Variants in MACROD2 observed in about 807,000 individuals in gnomAD.
MACROD2 encodes mono-ADP ribosylhydrolase 2, also known as ADP-ribose glycohydrolase MACROD2.
A neutral mutation model predicts 70.4 loss-of-function variants in MACROD2; 36 were observed. That is an observed-to-expected ratio of 0.51 (90% CI 0.39 to 0.68). MACROD2 has a LOEUF of 0.68. Ranked by LOEUF, MACROD2 falls within the 30% of genes least tolerant of loss-of-function variation. MACROD2 has a pLI of 0.00. For missense variants in MACROD2, 496 were observed against 538.4 expected, an observed-to-expected ratio of 0.92 and a Z score of 0.78; for synonymous variants, 172 against 178.8, an observed-to-expected ratio of 0.96 and a Z score of 0.30.
chr20:15,274,043 G>C (rs367421), intron 6 of MACROD2, among the ~76,000 whole-genome samples: 57,216 of 152,118 alleles, frequency 0.38, 11,456 homozygotes, highest in Non-Finnish European at 0.44. Context: ...AGGGTGAGGT[G>C]AGCTAAGATA....
chr20:14,141,593 A>G (rs1017922993), intron 3 of MACROD2, among the ~76,000 whole-genome samples: 4 of 152,078 alleles, frequency 2.6e-5, no homozygotes, highest in African/African-American at 9.6e-5. Flanking sequence ...AAAAAATACA[A>G]AATTAGCTGG....
At chr20:15,248,099 T>C (rs1336293657) in intron 6 of MACROD2, among the ~76,000 whole-genome samples, 1 of 152,188 alleles carries the variant, frequency 6.6e-6, no homozygotes, top group Non-Finnish European at 1.5e-5. Flanking sequence ...CACAGGCTGC[T>C]CCTCTCTTGT....
At chr20:15,621,812 G>A (rs935163438) in intron 8 of MACROD2, among the ~76,000 whole-genome samples, 10 of 152,140 alleles carry the variant, frequency 6.6e-5, no homozygotes, top group Admixed American at 2.0e-4. Flanking sequence ...ACCAAGCCAC[G>A]CAGAATGTAC....
At chr20:15,937,393 G>A in intron 11 of MACROD2, 83 bp from the exon 12 acceptor site, 4 of 1,193,258 alleles carry the variant, frequency 3.4e-6, no homozygotes, top group South Asian at 1.2e-5. Flanking sequence ...GGTGGAGAGT[G>A]GAGGGAGGTG....
At chr20:16,040,679 C>T (rs1194043721) in intron 15 of MACROD2, among the ~76,000 whole-genome samples, 2 of 151,984 alleles carry the variant, frequency 1.3e-5, no homozygotes, top group African/African-American at 2.4e-5. Flanking sequence ...TCCGAAATGG[C>T]AGCATCAGAG....
At chr20:14,180,085 C>G (rs1252779639) in intron 3 of MACROD2, among the ~76,000 whole-genome samples, 1 of 152,112 alleles carries the variant, frequency 6.6e-6, no homozygotes, top group African/African-American at 2.4e-5. Context: ...TCTATTACCC[C>G]TTCCTCAACC....
chr20:14,343,772 C>G (rs1163105802), intron 3 of MACROD2, among the ~76,000 whole-genome samples: 1 of 152,154 alleles, frequency 6.6e-6, no homozygotes, highest in Non-Finnish European at 1.5e-5. Flanking sequence ...GAATGACTAA[C>G]AGTTAATAGG....
chr20:15,641,498 A>G (rs1295093645), intron 8 of MACROD2, among the ~76,000 whole-genome samples: 1 of 152,222 alleles, frequency 6.6e-6, no homozygotes, highest in East Asian at 1.9e-4. Context: ...TGTGTCTTTC[A>G]TCATCACCCA....
chr20:15,384,101 CCTT>C (rs1268184519), intron 6 of MACROD2, among the ~76,000 whole-genome samples: 8 of 152,094 alleles, frequency 5.3e-5, no homozygotes, highest in Admixed American at 5.2e-4. Context: ...AACTCTATAA[CCTT>C]CTTAATGACA....
intron 3 of MACROD2, among the ~76,000 whole-genome samples, chr20:14,184,265 A>G (rs1179570671): frequency 6.6e-6 from 1 of 152,158 alleles, no homozygotes; most frequent in Non-Finnish European, 1.5e-5. Flanking sequence ...CAGTTATCCC[A>G]GCACCATTTA....
At chr20:14,327,688 G>T (rs1381592652) in intron 3 of MACROD2, 1 of 635,200 alleles carries the variant, frequency 1.6e-6, no homozygotes. Context: ...TTGGGAGGGG[G>T]CATAATAGGG....
chr20:15,519,070 CCT>C lies in MACROD2; in HGVS notation c.645+19224_645+19225del, dbSNP rs2047610169. 2.4e-5 allele frequency among the ~76,000 whole-genome samples: 3 copies of C among 125,938 alleles called. No individual in the cohort carries two copies. In the South Asian group the frequency reaches 8.3e-4, roughly 35 times the overall value. The allele number at this position is 125,938 out of a possible 152,430, so 82.6% of individuals were successfully genotyped here. On this transcript the variant is annotated intron_variant, in intron 8 of 17. Coordinates refer to ENST00000684519, the MANE Select transcript of MACROD2 (RefSeq NM_001351661.2). ...TAACTCGCTCTTTCCTTCCTTCCTT[CCT>C]TCCTTCCTTCCTTCCTTCCTTCCTT...
chr20:15,446,004 C>T (rs532289798), intron 7 of MACROD2, among the ~76,000 whole-genome samples: 1 of 152,268 alleles, frequency 6.6e-6, no homozygotes, highest in South Asian at 2.1e-4. Context: ...CATTAATATA[C>T]ACCTTCTGCT....
Position 15,461,006 on chromosome 20 carries a change from A to ATATATATATATATATATT in MACROD2, c.571+29572_571+29573insATATATATATATATATTT. ...TATATATATATATATATATATATAT[A>ATATATATATATATATATT]TTTTTTTTTAATAGATGGGGTCTTG... is the stretch of plus-strand genomic sequence containing the variant. On this transcript the variant is annotated intron_variant, in intron 7 of 17. Transcript: ENST00000684519. Among the ~76,000 whole-genome samples the ATATATATATATATATATT allele has an allele frequency of 1.5e-3, 99 of 66,934 alleles. 1 individual carries two copies. Among genetic ancestry groups the ATATATATATATATATATT allele is most frequent in the Admixed American group, 3.7e-3 (21 of 5,602 alleles). The allele number at this position is 66,934 out of a possible 152,430, so 43.9% of individuals were successfully genotyped here.
chr20:14,191,679 G>C (rs1223331884), intron 3 of MACROD2, among the ~76,000 whole-genome samples: 2 of 152,324 alleles, frequency 1.3e-5, no homozygotes, highest in Non-Finnish European at 2.9e-5. Flanking sequence ...ACTTGAGCAG[G>C]GACCTGGAAG....
chr20:15,932,899 G>T (rs991436050), intron 10 of MACROD2, among the ~76,000 whole-genome samples: 4 of 152,144 alleles, frequency 2.6e-5, no homozygotes, highest in Non-Finnish European at 4.4e-5. Flanking sequence ...AATAAAGGGC[G>T]AGAAACTTAG....
intron 3 of MACROD2, among the ~76,000 whole-genome samples, chr20:14,305,076 T>G (rs1039970532): frequency 6.6e-6 from 1 of 152,120 alleles, no homozygotes; most frequent in Non-Finnish European, 1.5e-5. Context: ...AGGAATTAGT[T>G]TTGTTTTAAA....
chr20:15,370,546 G>GA (rs1458167819), intron 6 of MACROD2, among the ~76,000 whole-genome samples: 9 of 151,746 alleles, frequency 5.9e-5, no homozygotes, highest in African/African-American at 2.2e-4. Context: ...TTATCTAACA[G>GA]AAAAATAAAA....
intron 4 of MACROD2, among the ~76,000 whole-genome samples, chr20:14,523,226 A>G (rs1166745942): frequency 6.6e-6 from 1 of 152,198 alleles, no homozygotes; most frequent in Non-Finnish European, 1.5e-5. Context: ...AGGCCTCACC[A>G]ATAGATGGCT....
Sources: allele counts gnomAD v4.1 joint callset (sites outside exome capture counted in the v4.1 genomes callset), GRCh38; gene constraint gnomAD v4.1.1; transcripts MANE v1.5; gene names NCBI Gene and HGNC (gene_info 2026-07-23, HGNC 2026-07-21).